Variants in TULP4 observed in about 807,000 individuals in gnomAD.
TULP4 encodes the protein TUB like protein 4.
TULP4 carries 16 observed loss-of-function variants against 129.0 expected under a neutral mutation model. That is an observed-to-expected ratio of 0.12 (90% confidence interval 0.08 to 0.19). TULP4 has a LOEUF of 0.19. Among genes scored for constraint, TULP4 ranks in the 10% least tolerant of loss-of-function variants. The pLI is 1.00. For missense variants in TULP4, 1,842 were observed against 2,059.1 expected (o/e 0.89, Z 2.04); for synonymous variants, 998 against 854.0 (o/e 1.17, Z -2.94).
intron 1 of TULP4, among the ~76,000 whole-genome samples, chr6:158,259,115 A>G (rs566033456): frequency 6.6e-6 from 1 of 152,286 alleles, no homozygotes; most frequent in African/African-American, 2.4e-5. Context: ...CTGTAATCCC[A>G]GCTACTCGAG....
chr6:158,265,699 A>AT (rs397779735), intron 1 of TULP4, among the ~76,000 whole-genome samples: 3 of 150,498 alleles, frequency 2.0e-5, no homozygotes, highest in Non-Finnish European at 1.5e-5. Flanking sequence ...AAAAAAAAAA[A>AT]TTTTGGCTCA....
rs1488709433 is a variant in TULP4, at chr6:158,459,440, A to G, written c.860-2123A>G. Among the ~76,000 whole-genome samples, 3 of 151,636 alleles carry G rather than the reference A, an allele frequency of 2.0e-5. No individual in the cohort carries two copies. In the East Asian group the frequency reaches 5.8e-4, roughly 29 times the overall value. ...AGTGAAACTCTGTCTCAAAAAAAAA[A>G]AAAGAAGTCCCTGAGAGTTTGCTTG... On this transcript the variant is annotated intron_variant, in intron 5 of 13. Transcript: ENST00000367097.
intron 1 of TULP4, among the ~76,000 whole-genome samples, chr6:158,401,876 AAG>A (rs1777859848): frequency 6.6e-6 from 1 of 151,952 alleles, no homozygotes; most frequent in African/African-American, 2.4e-5. Context: ...TGGTTTTTGT[AAG>A]AGTGTTTCCA....
intron 1 of TULP4, among the ~76,000 whole-genome samples, chr6:158,294,817 C>T (rs1779001387): frequency 3.3e-5 from 5 of 152,252 alleles, no homozygotes; most frequent in Admixed American, 3.3e-4. Flanking sequence ...CTGAAACCTC[C>T]ACCTCCCAAG....
intron 5 of TULP4, among the ~76,000 whole-genome samples, chr6:158,456,915 A>G (rs1215383075): frequency 6.6e-6 from 1 of 152,072 alleles, no homozygotes; most frequent in East Asian, 1.9e-4. Context: ...TGCTATATGT[A>G]GGCAATTTAC....
At chr6:158,391,525 T>G (rs1777584859) in intron 1 of TULP4, among the ~76,000 whole-genome samples, 1 of 152,202 alleles carries the variant, frequency 6.6e-6, no homozygotes, top group Non-Finnish European at 1.5e-5. Context: ...TTTTAAAGTA[T>G]TTTTCTCTTA....
At chr6:158,279,141 A>G (rs1778702174), upstream of TULP4, among the ~76,000 whole-genome samples, 2 of 151,470 alleles carry the variant, frequency 1.3e-5, no homozygotes, top group South Asian at 4.2e-4. Context: ...ACAGGGTTTC[A>G]CCATGTTAAC....
chr6:158,235,130 G>T (rs996511677), intron 1 of TULP4, among the ~76,000 whole-genome samples: 15 of 151,682 alleles, frequency 9.9e-5, no homozygotes, highest in African/African-American at 3.2e-4. Context: ...GTGAGCAGAG[G>T]TTGCACCACT....
intron 11 of TULP4, 54 bp downstream of exon 11, chr6:158,494,900 CCA>C: frequency 6.8e-7 from 1 of 1,481,296 alleles, no homozygotes; most frequent in East Asian, 2.3e-5. Context: ...ACTAAAACGT[CCA>C]GTTTCCACCT....
At chr6:158,372,147 C>A (rs1056380087) in intron 1 of TULP4, among the ~76,000 whole-genome samples, 119 of 95,158 alleles carry the variant, frequency 1.3e-3, no homozygotes, top group South Asian at 5.9e-3. Context: ...TTTTTTAATA[C>A]AATTCCATTC....
intron 6 of TULP4, among the ~76,000 whole-genome samples, chr6:158,473,484 T>C (rs1779738007): frequency 6.6e-6 from 1 of 152,256 alleles, no homozygotes; most frequent in Non-Finnish European, 1.5e-5. Flanking sequence ...CCAACCAACG[T>C]AGTTTGACGG....
rs59586926 is a variant in TULP4 at position 158,313,882 on chromosome 6, C to G, written c.-135C>G. On this transcript the variant is annotated 5_prime_UTR_variant, in exon 1 of 14. Coordinates refer to ENST00000367097, the MANE Select transcript of TULP4 (RefSeq NM_020245.5). The stretch of plus-strand genomic sequence containing the variant: ...AAAATACTGACCTTCTAATTAGATT[C>G]AGGTCAGTCTTAATTAAAGGGGGAA... The G allele has an allele frequency of 9.8e-6, 9 of 916,964 alleles. No individual in the cohort carries two copies. In the Admixed American group the frequency reaches 1.1e-4, roughly 12 times the overall value. The allele number at this position is 916,964 out of a possible 1,614,324, so 56.8% of individuals were successfully genotyped here. A position where few individuals can be genotyped will look rare whatever the true frequency, so the allele number is the denominator to read the frequency against.
At chr6:158,253,653 A>C (rs190522307) in intron 1 of TULP4, among the ~76,000 whole-genome samples, 9 of 152,020 alleles carry the variant, frequency 5.9e-5, no homozygotes, top group African/African-American at 2.2e-4. Context: ...CATTCAAATA[A>C]TCTCCCCTCT....
Position 158,508,360 on chromosome 6 carries a change from C to T in TULP4, c.*1666C>T, listed in dbSNP as rs1444930131. On this transcript the variant is annotated 3_prime_UTR_variant, in exon 14 of 14. Coordinates refer to ENST00000367097, the MANE Select transcript of TULP4 (RefSeq NM_020245.5). ...TCAAATTTAAACGTTTTTTAATCCC[C>T]TGTTTTAGTTAAAAAATTGGAAAAG... 1 of 148,066 alleles carries T rather than the reference C, an allele frequency of 6.8e-6. No homozygotes were observed. Among genetic ancestry groups the T allele is most frequent in the Non-Finnish European group, 1.5e-5 (1 of 67,936 alleles). 9.2% of individuals were successfully genotyped at this position (148,066 alleles called of 1,614,324 possible).
At chr6:158,309,296 C>T (rs1282395541), upstream of TULP4, among the ~76,000 whole-genome samples, 69 of 134,986 alleles carry the variant, frequency 5.1e-4, no homozygotes, top group Middle Eastern at 7.9e-3. Context: ...CCAGACGGGG[C>T]GGCGGGGCAG....
At position 158,254,085 on chromosome 6, in the gene TULP4, T is replaced by C. The variant is rs567250851; in HGVS notation, n.68+21782T>C. The stretch of plus-strand genomic sequence containing the variant: ...AGAATCTGATTATTGTGCATGCCTA[T>C]GGAGGAGGGGTCAAGGAAAGAGTGG... On this transcript the variant is annotated intron_variant and non_coding_transcript_variant, in intron 1 of 1. Coordinates refer to the TULP4 transcript ENST00000620026. Among the ~76,000 whole-genome samples, 3 of 152,046 alleles carry C rather than the reference T, an allele frequency of 2.0e-5. No individual in the cohort carries two copies. In the East Asian group the frequency reaches 5.8e-4, roughly 29 times the overall value.
rs557678837 is a variant in TULP4 at position 158,427,471 on chromosome 6, CTTTTTTTTTTTTTTTTTTTTTTTTTTT to C, written c.382-2250_382-2224del. Among the ~76,000 whole-genome samples the C allele has an allele frequency of 3.6e-4, 27 of 74,126 alleles. No homozygotes were observed. The Admixed American group carries it at 4.2e-3, about 11-fold the overall frequency. 48.6% of individuals were successfully genotyped at this position (74,126 alleles called of 152,430 possible). On this transcript the variant is annotated intron_variant, in intron 2 of 13. Coordinates refer to ENST00000367097, the MANE Select transcript of TULP4 (RefSeq NM_020245.5). The stretch of plus-strand genomic sequence containing the variant: ...AAATTCCTTTTCAAAATTATCAGAC[CTTTTTTTTTTTTTTTTTTTTTTTTTTT>C]TTTTTTTTTTTTTTGAGACGGAGTC...
chr6:158,309,719 T>C (rs1779303303), upstream of TULP4, among the ~76,000 whole-genome samples: 1 of 151,700 alleles, frequency 6.6e-6, no homozygotes, highest in African/African-American at 2.4e-5. Context: ...CGAAACCCCG[T>C]CTCCACCAAA....
chr6:158,329,539 G>A (rs1268281994), intron 1 of TULP4, among the ~76,000 whole-genome samples: 1 of 151,796 alleles, frequency 6.6e-6, no homozygotes, highest in African/African-American at 2.4e-5. Flanking sequence ...CTCCTTGGTA[G>A]CAGAAATAAA....
Sources: gnomAD v4.1 joint callset for allele counts (sites outside exome capture counted in the v4.1 genomes callset) on GRCh38, gnomAD v4.1.1 for gene constraint, MANE v1.5 for transcripts, NCBI Gene and HGNC (gene_info 2026-07-23, HGNC 2026-07-21) for gene names.